Variants in ADGRL3 observed in about 807,000 individuals in gnomAD.
The protein encoded by ADGRL3 is calcium-independent alpha-latrotoxin receptor 3.
A neutral mutation model predicts 153.5 loss-of-function variants in ADGRL3; 62 were observed. The observed-to-expected ratio is 0.40, with a 90% CI of 0.33 to 0.50. The LOEUF (loss-of-function observed/expected upper bound fraction) is 0.50, where lower values mean the gene tolerates loss of function less well. Ranked by LOEUF, ADGRL3 falls within the 20% of genes least tolerant of loss-of-function variation. The pLI is 0.47. For synonymous variants in ADGRL3, 710 were observed against 672.5 expected (o/e 1.06, Z -0.86); for missense variants, 1,641 against 1,859.4 (o/e 0.88, Z 2.16).
intron 8 of ADGRL3, among the ~76,000 whole-genome samples, chr4:61,809,765 A>G (rs1308325160): frequency 2.6e-5 from 4 of 152,010 alleles, no homozygotes; most frequent in African/African-American, 9.7e-5. Flanking sequence ...ACACCGAGAA[A>G]GGCACCTGTG....
intron 9 of ADGRL3, among the ~76,000 whole-genome samples, chr4:61,880,479 A>G (rs1366142261): frequency 6.6e-6 from 1 of 152,216 alleles, no homozygotes; most frequent in African/African-American, 2.4e-5. Context: ...GTCACAGTAT[A>G]ATTCAGACAT....
At chr4:61,761,128 C>T (rs983087878) in intron 8 of ADGRL3, among the ~76,000 whole-genome samples, 2 of 152,224 alleles carry the variant, frequency 1.3e-5, no homozygotes, top group Non-Finnish European at 1.5e-5. Context: ...TTTGCAAAAA[C>T]ATCTCAAACA....
intron 1 of ADGRL3, among the ~76,000 whole-genome samples, chr4:61,377,339 A>C (rs1054344017): frequency 6.6e-6 from 1 of 152,074 alleles, no homozygotes; most frequent in Non-Finnish European, 1.5e-5. Flanking sequence ...TATGAAACTC[A>C]GCCTTCTATA....
intron 13 of ADGRL3, among the ~76,000 whole-genome samples, chr4:61,926,940 G>T (rs933874140): frequency 6.6e-6 from 1 of 152,140 alleles, no homozygotes; most frequent in Non-Finnish European, 1.5e-5. Context: ...CTCTGTGCCT[G>T]TAAGTACACT....
chr4:61,536,866 T>C (rs1032639300), intron 4 of ADGRL3, among the ~76,000 whole-genome samples: 1 of 152,106 alleles, frequency 6.6e-6, no homozygotes, highest in African/African-American at 2.4e-5. Context: ...GTGGAGCACT[T>C]AGGCTTTTTA....
chr4:61,771,969 C>A (rs1050431930), intron 8 of ADGRL3, among the ~76,000 whole-genome samples: 1 of 152,118 alleles, frequency 6.6e-6, no homozygotes, highest in African/African-American at 2.4e-5. Context: ...TTCTGTTCAG[C>A]CATCTTCATA....
intron 25 of ADGRL3, among the ~76,000 whole-genome samples, chr4:62,058,982 A>G (rs554883219): frequency 6.6e-6 from 1 of 152,300 alleles, no homozygotes; most frequent in East Asian, 1.9e-4. Flanking sequence ...AGGGGGAAGA[A>G]GACAGCTTCT....
In ADGRL3 at chr4:61,587,407, A is replaced by T. The variant is rs750832342; in HGVS notation, c.440A>T (p.Tyr147Phe). The T allele has an allele frequency of 1.2e-6, 2 of 1,612,334 alleles. No individual in the cohort carries two copies. The highest frequency in any genetic ancestry group is 4.5e-5 in the East Asian group (2 of 44,792). The change falls in exon 5 of 27, where the codon TAT becomes TTT. Residue 147 changes from tyrosine to phenylalanine, a missense_variant. This residue lies in a region of ADGRL3 where 213 missense variants were observed against 362.1 expected (regional missense o/e 0.59). Transcript: ENST00000683033. ...GCTCAGATGGAGAATATCCGATGTT[A>T]TCTGCCAGATGCCTATAAGATTATG... ...DPAQMENIRCYLPDAYKIMSQ... is the reference protein window; with the variant it reads ...DPAQMENIRCFLPDAYKIMSQ...
At chr4:61,588,463 TTAC>T (rs1340431780) in intron 5 of ADGRL3, among the ~76,000 whole-genome samples, 1 of 151,948 alleles carries the variant, frequency 6.6e-6, no homozygotes, top group Non-Finnish European at 1.5e-5. Context: ...TTTTTATAAA[TTAC>T]TATTACATAA....
At chr4:61,667,141 A>C (rs535023182) in intron 5 of ADGRL3, among the ~76,000 whole-genome samples, 1 of 152,290 alleles carries the variant, frequency 6.6e-6, no homozygotes, top group South Asian at 2.1e-4. Context: ...TATTCTATGG[A>C]TGTTGACTGA....
chr4:61,774,461 TAAC>T (rs1193390587), intron 8 of ADGRL3, among the ~76,000 whole-genome samples: 2 of 150,722 alleles, frequency 1.3e-5, no homozygotes, highest in African/African-American at 2.4e-5. Flanking sequence ...CAATACAGTA[TAAC>T]AACTGTCTAA....
At chr4:62,068,206 T>G in intron 26 of ADGRL3, 23 bp downstream of exon 26, 1 of 1,585,332 alleles carries the variant, frequency 6.3e-7, no homozygotes, top group South Asian at 1.1e-5. Flanking sequence ...AGCTAAACAT[T>G]GCATATCAAA....
chr4:61,819,468 A>T (rs1275554374), intron 9 of ADGRL3, among the ~76,000 whole-genome samples: 1 of 151,884 alleles, frequency 6.6e-6, no homozygotes, highest in Non-Finnish European at 1.5e-5. Flanking sequence ...TTCACCCATG[A>T]CTCTCTACAT....
intron 21 of ADGRL3, among the ~76,000 whole-genome samples, chr4:62,012,560 C>T (rs2099191556): frequency 1.3e-5 from 2 of 152,120 alleles, no homozygotes; most frequent in South Asian, 4.1e-4. Flanking sequence ...TGTCCATTTA[C>T]TTAACTCTTA....
At chr4:61,225,546 T>C (rs1023698524) in intron 1 of ADGRL3, among the ~76,000 whole-genome samples, 1 of 152,184 alleles carries the variant, frequency 6.6e-6, no homozygotes. Flanking sequence ...TATGATTCGT[T>C]ATGTAAGATA....
chr4:61,363,003 A>G (rs984543711), intron 1 of ADGRL3, among the ~76,000 whole-genome samples: 2 of 152,214 alleles, frequency 1.3e-5, no homozygotes, highest in African/African-American at 4.8e-5. Flanking sequence ...CCATATTGAC[A>G]CCAATGTCTC....
At chr4:61,761,727 C>T (rs764155610) in intron 8 of ADGRL3, among the ~76,000 whole-genome samples, 10 of 152,180 alleles carry the variant, frequency 6.6e-5, no homozygotes, top group South Asian at 2.1e-4. Flanking sequence ...GCCAGAAGTT[C>T]GATACCAGCC....
At chr4:61,492,023 A>ACAAG (rs2098264019) in intron 2 of ADGRL3, among the ~76,000 whole-genome samples, 1 of 150,772 alleles carries the variant, frequency 6.6e-6, no homozygotes, top group Non-Finnish European at 1.5e-5. Flanking sequence ...AATGAAAAAA[A>ACAAG]CAAACAAACA....
intron 1 of ADGRL3, among the ~76,000 whole-genome samples, chr4:61,205,997 G>T (rs1183969062): frequency 6.6e-6 from 1 of 152,130 alleles, no homozygotes; most frequent in South Asian, 2.1e-4. Context: ...TGTGCTTATG[G>T]ATTCATAAGC....
Sources: gnomAD v4.1 joint callset for allele counts (sites outside exome capture counted in the v4.1 genomes callset) on GRCh38, gnomAD v4.1.1 for gene constraint, gnomAD v4.1.1 regional missense constraint, MANE v1.5 for transcripts, NCBI Gene and HGNC (gene_info 2026-07-23, HGNC 2026-07-21) for gene names.